Variants in PPARGC1B observed in about 807,000 individuals in gnomAD.
PPARGC1B encodes PPARG coactivator 1 beta, also known as peroxisome proliferator-activated receptor gamma coactivator 1-beta.
In PPARGC1B, 34 loss-of-function variants were observed where a neutral mutation model predicts 101.6. That is an observed-to-expected ratio of 0.33 (90% CI 0.25 to 0.45). The LOEUF (loss-of-function observed/expected upper bound fraction) is 0.45. Among genes scored for constraint, PPARGC1B ranks in the 20% least tolerant of loss-of-function variants. The pLI is 1.00. For missense variants in PPARGC1B, 1,234 were observed against 1,317.6 expected (o/e 0.94, Z 0.98); for synonymous variants, 548 against 539.3 (o/e 1.02, Z -0.22).
rs1581077931 is a variant in PPARGC1B at position 149,808,557 on chromosome 5, A to G, written c.79-11876A>G. ...CCTTGTAGAGGGGCCTGGAACCAGG[A>G]AAGAAACTGAACTCTCAGCGTTTTT... On this transcript the variant is annotated intron_variant, in intron 1 of 11. Transcript: ENST00000309241. Among the ~76,000 whole-genome samples, 5 of 152,276 alleles carry G rather than the reference A, an allele frequency of 3.3e-5. No individual in the cohort carries two copies. The South Asian group carries it at 1.0e-3, about 32-fold the overall frequency.
intron 1 of PPARGC1B, among the ~76,000 whole-genome samples, chr5:149,756,344 T>C (rs193160854): frequency 1.3e-5 from 2 of 151,714 alleles, no homozygotes; most frequent in Admixed American, 6.6e-5. Flanking sequence ...CCCAGCTACT[T>C]GGGAGGCTGA....
At chr5:149,735,368 G>A (rs529878592) in intron 1 of PPARGC1B, among the ~76,000 whole-genome samples, 67 of 152,304 alleles carry the variant, frequency 4.4e-4, no homozygotes, top group African/African-American at 1.0e-3. Flanking sequence ...ACTATGCCAC[G>A]TGAGTCACCC....
intron 1 of PPARGC1B, among the ~76,000 whole-genome samples, chr5:149,779,879 A>G (rs1435140417): frequency 1.3e-5 from 2 of 152,112 alleles, no homozygotes; most frequent in Non-Finnish European, 2.9e-5. Context: ...TCCATGATTG[A>G]GAAAGGAGTA....
intron 1 of PPARGC1B, among the ~76,000 whole-genome samples, chr5:149,749,576 T>A (rs1302873572): frequency 1.3e-5 from 2 of 152,246 alleles, no homozygotes; most frequent in Non-Finnish European, 2.9e-5. Flanking sequence ...CAGTTGCAAC[T>A]GTGAAACGCC....
In PPARGC1B at chr5:149,730,874, CA is replaced by C. The variant is rs1363592704; in HGVS notation, c.78+455del. Among the ~76,000 whole-genome samples, 2 of 152,226 alleles carry C rather than the reference CA, an allele frequency of 1.3e-5. No homozygotes were observed. Among genetic ancestry groups the C allele is most frequent in the Non-Finnish European group, 2.9e-5 (2 of 68,038 alleles). On this transcript the variant is annotated intron_variant, in intron 1 of 11. Coordinates refer to ENST00000309241, the MANE Select transcript of PPARGC1B (RefSeq NM_133263.4). The surrounding 1 kb of genome is among the most constrained non-coding windows in gnomAD (Gnocchi z 4.0). Reference sequence around the variant, plus strand: ...GGGTCTCCGGAGTCCCCTAGTCCTCCAGGCTGTAGTCCCCAGAGTGCTGTTG... The same window carrying C: ...GGGTCTCCGGAGTCCCCTAGTCCTCCGGCTGTAGTCCCCAGAGTGCTGTTG...
Position 149,832,680 on chromosome 5 carries a change from G to C in PPARGC1B, c.607G>C (p.Ala203Pro), listed in dbSNP as rs7732671. 134,837 of 1,547,582 alleles carry C rather than the reference G, an allele frequency of 0.087. 6,416 individuals carry two copies. Among genetic ancestry groups the C allele is most frequent in the African/African-American group, 0.16 (11,757 of 72,936 alleles). The change falls in exon 5 of 12, where the codon GCT (alanine) becomes CCT (proline). Residue 203 changes from alanine (A) to proline (P), a missense_variant. Coordinates refer to ENST00000309241, the MANE Select transcript of PPARGC1B (RefSeq NM_133263.4). This position sits in a 1 kb window ranked among gnomAD's most constrained non-coding sequence, Gnocchi z 4.9. Reference sequence around the variant, plus strand: ...GGCGGACAGCACCCAAGACAAGAAGGCTCCCATGATGCAGTCTCAGAGCCG... The same window carrying C: ...GGCGGACAGCACCCAAGACAAGAAGCCTCCCATGATGCAGTCTCAGAGCCG... ...VKADSTQDKKAPMMQSQSRSC... is the reference protein window; with the variant it reads ...VKADSTQDKKPPMMQSQSRSC...
At chr5:149,744,804 G>A (rs1755029695) in intron 1 of PPARGC1B, among the ~76,000 whole-genome samples, 1 of 152,154 alleles carries the variant, frequency 6.6e-6, no homozygotes, top group Non-Finnish European at 1.5e-5. Context: ...TTTGTAGCTC[G>A]GCATTAGATA....
In PPARGC1B at chr5:149,833,071, C is replaced by G; in HGVS notation, c.998C>G (p.Ser333Cys). ...TCCCGGCCCTGGTCCCGGCACCACT[C>G]CAAAGCCTCCTGGGCTGAGTTCTCC... ...VRSRPWSRHHSKASWAEFSIL... is the reference protein window; with the variant it reads ...VRSRPWSRHHCKASWAEFSIL... Residue 333 changes from serine (S) to cysteine (C), a missense_variant, in exon 5 of 12, where the codon TCC becomes TGC. Physicochemically the swap from Ser to Cys is moderately radical, Grantham distance 112. Coordinates refer to ENST00000309241, the MANE Select transcript of PPARGC1B (RefSeq NM_133263.4). The surrounding 1 kb of genome is among the most constrained non-coding windows in gnomAD (Gnocchi z 4.1). 2 of 1,613,962 alleles carry G rather than the reference C, an allele frequency of 1.2e-6. No individual in the cohort carries two copies. Among genetic ancestry groups the G allele is most frequent in the Non-Finnish European group, 8.5e-7 (1 of 1,180,040 alleles).
In PPARGC1B at chr5:149,848,485, C is replaced by G. The variant is rs1051467248; in HGVS notation, c.*927C>G. ...TCTTGGTCCCGTGCTTCCGTAGTAG[C>G]TGGGGTAAAGACACCGTTTCAGGGA... On this transcript the variant is annotated 3_prime_UTR_variant, in exon 12 of 12. Coordinates refer to ENST00000309241, the MANE Select transcript of PPARGC1B (RefSeq NM_133263.4). 3 of 152,214 alleles carry G rather than the reference C, an allele frequency of 2.0e-5. No individual in the cohort carries two copies. The highest frequency in any genetic ancestry group is 2.1e-4 in the South Asian group (1 of 4,828). The allele number at this position is 152,214 out of a possible 1,614,324, so 9.4% of individuals were successfully genotyped here.
intron 1 of PPARGC1B, among the ~76,000 whole-genome samples, chr5:149,791,576 G>A (rs1252366225): frequency 2.6e-5 from 4 of 152,118 alleles, no homozygotes; most frequent in African/African-American, 4.8e-5. Flanking sequence ...TGTGTGTGAT[G>A]TTGTGATCTT....
At chr5:149,790,798 G>A (rs1303346894) in intron 1 of PPARGC1B, among the ~76,000 whole-genome samples, 4 of 152,034 alleles carry the variant, frequency 2.6e-5, no homozygotes, top group Admixed American at 2.6e-4. Flanking sequence ...GCAGATTCCT[G>A]GGCCTCAGGA....
At chr5:149,787,895 C>T (rs1315652520) in intron 1 of PPARGC1B, among the ~76,000 whole-genome samples, 3 of 152,172 alleles carry the variant, frequency 2.0e-5, no homozygotes, top group African/African-American at 4.8e-5. Context: ...AAACTGGATC[C>T]CTTCCTTACA....
chr5:149,815,747 A>T (rs760981983), intron 1 of PPARGC1B, among the ~76,000 whole-genome samples: 158 of 152,144 alleles, frequency 1.0e-3, no homozygotes, highest in Admixed American at 2.9e-3. Context: ...CAGTTTTACC[A>T]TGTTGGCCAG....
At chr5:149,746,717 A>G (rs1484004777) in intron 1 of PPARGC1B, among the ~76,000 whole-genome samples, 1 of 152,196 alleles carries the variant, frequency 6.6e-6, no homozygotes, top group African/African-American at 2.4e-5. Context: ...ATTCCTACCA[A>G]CAGTGCACAA....
chr5:149,748,312 GATATA>G (rs1229769512), intron 1 of PPARGC1B, among the ~76,000 whole-genome samples: 36 of 136,608 alleles, frequency 2.6e-4, no homozygotes, highest in African/African-American at 9.8e-4. Context: ...TATAGATATA[GATATA>G]GATATATCTA....
chr5:149,750,644 C>T (rs1755264035), intron 1 of PPARGC1B, among the ~76,000 whole-genome samples: 1 of 151,988 alleles, frequency 6.6e-6, no homozygotes, highest in Non-Finnish European at 1.5e-5. Context: ...GCTGCTGGCT[C>T]AACCATGAGG....
rs1759147836 is a variant in PPARGC1B at position 149,837,391 on chromosome 5, G to A, written c.2618+318G>A. ...AAAGGAACTTGTCCCTTATCCATTT[G>A]TACTTTTTGCTTTTATGTTTGTAAA... On this transcript the variant is annotated intron_variant, in intron 8 of 11. Coordinates refer to ENST00000309241, the MANE Select transcript of PPARGC1B (RefSeq NM_133263.4). The surrounding 1 kb of genome is among the most constrained non-coding windows in gnomAD (Gnocchi z 4.2). Among the ~76,000 whole-genome samples, 1 of 152,208 alleles carries A rather than the reference G, an allele frequency of 6.6e-6. No individual in the cohort carries two copies. Among genetic ancestry groups the A allele is most frequent in the African/African-American group, 2.4e-5 (1 of 41,464 alleles).
chr5:149,857,032 A>C (rs1379253920), downstream of PPARGC1B, among the ~76,000 whole-genome samples: 2 of 152,110 alleles, frequency 1.3e-5, no homozygotes, highest in African/African-American at 4.8e-5. Flanking sequence ...TCGGCCTCCC[A>C]AAGTGCTGGG....
intron 9 of PPARGC1B, among the ~76,000 whole-genome samples, chr5:149,841,516 T>C (rs185572558): frequency 7.5e-4 from 115 of 152,322 alleles, no homozygotes; most frequent in African/African-American, 2.6e-3. Context: ...ATAACCTGTT[T>C]CCAGAGCAAG....
Sources: gnomAD v4.1 joint callset for allele counts (sites outside exome capture counted in the v4.1 genomes callset) on GRCh38, gnomAD v4.1.1 for gene constraint, Gnocchi (gnomAD v3.1) non-coding constraint, MANE v1.5 for transcripts, NCBI Gene and HGNC (gene_info 2026-07-23, HGNC 2026-07-21) for gene names.